CNTNAP4: variants seen among roughly 807,000 people sequenced by gnomAD.
CNTNAP4 encodes the protein contactin-associated protein-like 4.
In CNTNAP4, 98 loss-of-function variants were observed where a neutral mutation model predicts 148.4. The ratio of observed to expected loss-of-function variants is 0.66; its 90% confidence interval spans 0.56 to 0.78. CNTNAP4 has a LOEUF of 0.78. Ranked by LOEUF, CNTNAP4 falls within the 30% of genes least tolerant of loss-of-function variation. The pLI, the probability that CNTNAP4 is intolerant of heterozygous loss-of-function variation, is 0.00. For missense variants in CNTNAP4, 1,935 were observed against 1,565.6 expected, an observed-to-expected ratio of 1.24 and a Z score of -3.98; for synonymous variants, 730 against 565.1, an observed-to-expected ratio of 1.29 and a Z score of -4.14.
Position 76,538,278 on chromosome 16 carries a change from G to A in CNTNAP4, c.3158G>A (p.Ser1053Asn). The A allele has an allele frequency of 6.2e-7, 1 of 1,610,058 alleles. No individual in the cohort carries two copies. The highest frequency in any genetic ancestry group is 8.5e-7 in the Non-Finnish European group (1 of 1,178,496). Reference protein sequence around the residue: ...KFSFRTTRTPSLLLFVSSFYK... With the variant: ...KFSFRTTRTPNLLLFVSSFYK... ...AGTTTCCGAACAACACGAACACCAA[G>A]CTTGCTGCTTTTTGTGAGCTCCTTT... Residue 1053 changes from serine (S) to asparagine (N), a missense_variant, in exon 19 of 24, where the codon AGC (serine) becomes AAC (asparagine). Transcript: ENST00000611870.
At chr16:76,347,137 TTGTGTGTGTG>T (rs56664519) in intron 2 of CNTNAP4, among the ~76,000 whole-genome samples, 3 of 149,450 alleles carry the variant, frequency 2.0e-5, no homozygotes, top group African/African-American at 4.9e-5. Context: ...AGGCAATTGG[TTGTGTGTGTG>T]TGTGTGTGTG....
intron 3 of CNTNAP4, among the ~76,000 whole-genome samples, chr16:76,363,837 G>A (rs1191806317): frequency 2.0e-5 from 3 of 152,244 alleles, no homozygotes; most frequent in South Asian, 4.2e-4. Context: ...ATTAAGTAGT[G>A]TCGGTGGCTC....
intron 9 of CNTNAP4, among the ~76,000 whole-genome samples, 168 bp downstream of exon 9, chr16:76,462,273 G>A (rs747199384): frequency 1.1e-4 from 17 of 152,160 alleles, no homozygotes; most frequent in Non-Finnish European, 2.5e-4. Flanking sequence ...ATTCTGACCT[G>A]AAATGCATTT....
chr16:76,415,841 A>T (rs2078954689), intron 3 of CNTNAP4, among the ~76,000 whole-genome samples: 1 of 151,174 alleles, frequency 6.6e-6, no homozygotes, highest in Admixed American at 6.6e-5. Context: ...CATTCTACAA[A>T]ATATTTTTTT....
intron 9 of CNTNAP4, among the ~76,000 whole-genome samples, 174 bp from the exon 10 acceptor site, chr16:76,467,178 T>C (rs951583649): frequency 2.0e-5 from 3 of 152,226 alleles, no homozygotes; most frequent in African/African-American, 4.8e-5. Context: ...AAATTCTTTG[T>C]ATGAATTTCA....
At position 76,526,652 on chromosome 16, in the gene CNTNAP4, C is replaced by T. The variant is rs144043218; in HGVS notation, c.2755+4395C>T. ...CTTCTTTGTAGTTCTTTGGTTTTCT[C>T]ACATTATTTGCCAGTTTTTGTTTTT... On this transcript the variant is annotated intron_variant, in intron 17 of 23. Coordinates refer to ENST00000611870, the MANE Select transcript of CNTNAP4 (RefSeq NM_033401.5). Among the ~76,000 whole-genome samples the T allele has an allele frequency of 1.4e-3, 206 of 152,160 alleles. 3 individuals are homozygous for T. The highest frequency in any genetic ancestry group is 4.6e-3 in the African/African-American group (192 of 41,544).
At chr16:76,337,152 C>G (rs1263729564) in intron 2 of CNTNAP4, among the ~76,000 whole-genome samples, 34 of 152,076 alleles carry the variant, frequency 2.2e-4, no homozygotes, top group Non-Finnish European at 2.9e-5. Flanking sequence ...TTTTATTTAT[C>G]TAAAGTTGGT....
At chr16:76,314,688 G>T (rs777100334) in intron 1 of CNTNAP4, among the ~76,000 whole-genome samples, 1 of 152,090 alleles carries the variant, frequency 6.6e-6, no homozygotes, top group African/African-American at 2.4e-5. Flanking sequence ...TAAGCATCTG[G>T]AGGCTAGGAA....
intron 14 of CNTNAP4, among the ~76,000 whole-genome samples, chr16:76,497,030 A>G (rs10153185): frequency 0.54 from 82,285 of 152,064 alleles, 24,032 homozygotes; most frequent in Middle Eastern, 0.72. Context: ...CATCTGAAAT[A>G]ACAAATTCTA....
chr16:76,476,243 A>G (rs144992453), intron 11 of CNTNAP4, among the ~76,000 whole-genome samples, 198 bp downstream of exon 11: 5 of 152,344 alleles, frequency 3.3e-5, no homozygotes, highest in Non-Finnish European at 7.3e-5. Context: ...GGGAAAATAC[A>G]TATAGAAGAT....
chr16:76,510,873 T>C (rs748455797), intron 15 of CNTNAP4, among the ~76,000 whole-genome samples: 1 of 152,112 alleles, frequency 6.6e-6, no homozygotes, highest in Non-Finnish European at 1.5e-5. Context: ...TTTTATGCCA[T>C]TGAGTACTGT....
At chr16:76,391,641 C>T (rs961710988) in intron 3 of CNTNAP4, among the ~76,000 whole-genome samples, 1 of 152,158 alleles carries the variant, frequency 6.6e-6, no homozygotes, top group Non-Finnish European at 1.5e-5. Context: ...CGGATCTACC[C>T]AATCAGAACC....
At chr16:76,523,238 GC>G (rs372472370) in intron 17 of CNTNAP4, among the ~76,000 whole-genome samples, 1 of 103,072 alleles carries the variant, frequency 9.7e-6, no homozygotes, top group African/African-American at 3.6e-5. Context: ...CACTCCCCCG[GC>G]CCCCCCGCCC....
intron 10 of CNTNAP4, among the ~76,000 whole-genome samples, chr16:76,472,851 G>T (rs919857458): frequency 6.6e-6 from 1 of 152,016 alleles, no homozygotes; most frequent in African/African-American, 2.4e-5. Context: ...TAACTAATGG[G>T]TACTAAGCTT....
chr16:76,307,906 C>T (rs368390815), intron 1 of CNTNAP4, among the ~76,000 whole-genome samples: 17 of 152,090 alleles, frequency 1.1e-4, no homozygotes, highest in South Asian at 6.2e-4. Flanking sequence ...AGCATGTAAG[C>T]CAGTGTTTGC....
intron 3 of CNTNAP4, among the ~76,000 whole-genome samples, chr16:76,394,782 A>G (rs1162673294): frequency 6.6e-6 from 1 of 152,096 alleles, no homozygotes; most frequent in Non-Finnish European, 1.5e-5. Context: ...AACGTGTAGA[A>G]CTTAGAAGGA....
At chr16:76,520,552 G>C (rs536329922) in intron 15 of CNTNAP4, among the ~76,000 whole-genome samples, 2 of 152,224 alleles carry the variant, frequency 1.3e-5, no homozygotes, top group African/African-American at 4.8e-5. Context: ...TGAATAAAAA[G>C]AGCATTTTCA....
chr16:76,485,575 C>A (rs2081999162), intron 12 of CNTNAP4, among the ~76,000 whole-genome samples: 1 of 152,150 alleles, frequency 6.6e-6, no homozygotes, highest in South Asian at 2.1e-4. Flanking sequence ...ATGGGTTAAA[C>A]TCACCCCTTC....
At chr16:76,555,902 T>C (rs1415321745) in intron 23 of CNTNAP4, among the ~76,000 whole-genome samples, 6 of 152,160 alleles carry the variant, frequency 3.9e-5, no homozygotes, top group Non-Finnish European at 8.8e-5. Context: ...CATCTGGTAA[T>C]GGCCATGTAA....
Sources: gnomAD v4.1 joint callset for allele counts (sites outside exome capture counted in the v4.1 genomes callset) on GRCh38, gnomAD v4.1.1 for gene constraint, MANE v1.5 for transcripts, NCBI Gene and HGNC (gene_info 2026-07-23, HGNC 2026-07-21) for gene names.